Variants in TRIM49 observed in about 807,000 individuals in gnomAD.
The protein encoded by TRIM49 is tripartite motif containing 49.
Under a neutral mutation model 27.4 loss-of-function variants are expected in TRIM49, and 5 were observed. The ratio of observed to expected loss-of-function variants is 0.18; its 90% CI spans 0.10 to 0.38. The LOEUF (loss-of-function observed/expected upper bound fraction) is 0.38, where lower values mean the gene tolerates loss of function less well. TRIM49 is among the 10% of genes least tolerant of loss of function. The pLI, the probability that TRIM49 is intolerant of heterozygous loss-of-function variation, is 1.00. For synonymous variants in TRIM49, 69 were observed against 166.0 expected (o/e 0.42, Z 4.49); for missense variants, 188 against 487.5 (o/e 0.39, Z 5.79).
downstream of TRIM49, among the ~76,000 whole-genome samples, chr11:89,797,156 T>C (rs2134630829): frequency 6.6e-6 from 1 of 151,516 alleles, no homozygotes; most frequent in East Asian, 1.9e-4. Flanking sequence ...TATATTTGGC[T>C]AGTTATTTAT....
chr11:89,800,636 G>A (rs1319967760), intron 6 of TRIM49, among the ~76,000 whole-genome samples: 7 of 149,946 alleles, frequency 4.7e-5, no homozygotes, highest in African/African-American at 1.2e-4. Context: ...CCGGGTACTC[G>A]GGAGGCTGAG....
chr11:89,804,821 A>C (rs1348925353), intron 2 of TRIM49, among the ~76,000 whole-genome samples: 6 of 151,434 alleles, frequency 4.0e-5, no homozygotes, highest in African/African-American at 1.5e-4. Flanking sequence ...TTCTTTCAAT[A>C]ACTGATGAAT....
At chr11:89,792,768 A>G (rs1317678247), downstream of TRIM49, among the ~76,000 whole-genome samples, 1 of 152,132 alleles carries the variant, frequency 6.6e-6, no homozygotes, top group African/African-American at 2.4e-5. Flanking sequence ...AATTTATAGC[A>G]CTAAATGCCC....
chr11:89,807,837 A>G (rs1229430908), intron 1 of TRIM49, among the ~76,000 whole-genome samples: 1 of 148,814 alleles, frequency 6.7e-6, no homozygotes, highest in East Asian at 2.0e-4. Flanking sequence ...CATCCAGCTT[A>G]AATGCTGCTT....
chr11:89,796,940 G>C (rs1238178327), downstream of TRIM49, among the ~76,000 whole-genome samples: 41 of 150,170 alleles, frequency 2.7e-4, no homozygotes, highest in African/African-American at 1.0e-3. Flanking sequence ...AGAATATCTA[G>C]CCCATAAGAA....
the TRIM49 span, among the ~76,000 whole-genome samples, chr11:89,767,924 C>G: frequency 7.3e-6 from 1 of 137,216 alleles, no homozygotes; most frequent in East Asian, 2.1e-4. Flanking sequence ...GAAATTGTAT[C>G]ACGATTGAAC....
the TRIM49 span, chr11:89,768,300 G>A: frequency 6.8e-7 from 1 of 1,474,378 alleles, no homozygotes; most frequent in Admixed American, 1.7e-5. Context: ...CAAGGAAGTA[G>A]GTTGAGTTGG....
chr11:89,806,466 T>C (rs1949790143), intron 2 of TRIM49, among the ~76,000 whole-genome samples: 1 of 148,660 alleles, frequency 6.7e-6, no homozygotes, highest in Non-Finnish European at 1.5e-5. Flanking sequence ...CAGTGAAAAA[T>C]CTTAGAATTG....
Position 89,798,431 on chromosome 11 carries a change from C to T in TRIM49, c.1058G>A (p.Trp353Ter). ...WEVHVGDSWNWAFGVCNMYRK... is the reference protein window; with the variant it reads ...WEVHVGDSWN ...ATACATATTACAGACACCAAAAGCC[C>T]AATTCCAGGAGTCCCCTACATGGAC... The change falls in exon 8 of 8, where the codon TGG (tryptophan) becomes TAG (stop). Residue 353 changes from tryptophan (W) to a stop codon, truncating the protein, a stop_gained. Coordinates refer to ENST00000329758, the MANE Select transcript of TRIM49 (RefSeq NM_020358.2). LOFTEE classifies it low-confidence loss of function (END_TRUNC). The T allele has an allele frequency of 1.2e-6, 2 of 1,602,460 alleles. No individual in the cohort carries two copies. Among genetic ancestry groups the T allele is most frequent in the Non-Finnish European group, 1.7e-6 (2 of 1,177,804 alleles).
the TRIM49 span, among the ~76,000 whole-genome samples, chr11:89,771,463 A>G: frequency 1.1e-4 from 12 of 111,108 alleles, no homozygotes; most frequent in Admixed American, 4.0e-4. Context: ...TATCACCTTT[A>G]AAGAATCAAA....
the TRIM49 span, among the ~76,000 whole-genome samples, chr11:89,791,607 G>T: frequency 2.7e-5 from 4 of 150,908 alleles, no homozygotes; most frequent in East Asian, 2.0e-4. Flanking sequence ...TTACAGAGAA[G>T]AATTTTCAAC....
intron 1 of TRIM49, among the ~76,000 whole-genome samples, chr11:89,807,738 G>A (rs1423097501): frequency 6.6e-6 from 1 of 150,808 alleles, no homozygotes; most frequent in East Asian, 1.9e-4. Context: ...GTATGACTCT[G>A]TAGCCCATGC....
chr11:89,787,734 A>AT, the TRIM49 span: 1 of 1,006,470 alleles, frequency 9.9e-7, no homozygotes, highest in Non-Finnish European at 1.5e-6. Context: ...CCCAAGTGGC[A>AT]TAACAAGGTG....
At chr11:89,789,921 G>T in the TRIM49 span, among the ~76,000 whole-genome samples, 714 of 150,926 alleles carry the variant, frequency 4.7e-3, 1 homozygote, top group African/African-American at 0.017. Flanking sequence ...AGGACAGTGG[G>T]TGCAGCCCAC....
chr11:89,797,545 G>A (rs1424257275), downstream of TRIM49: 1 of 151,736 alleles, frequency 6.6e-6, no homozygotes, highest in African/African-American at 2.5e-5. Context: ...ATCCAGCATT[G>A]GTCTGATCAC....
intron 4 of TRIM49, among the ~76,000 whole-genome samples, chr11:89,802,507 T>C (rs1190246835): frequency 1.3e-5 from 2 of 151,024 alleles, no homozygotes; most frequent in African/African-American, 2.5e-5. Flanking sequence ...CCTCCAAATA[T>C]ACACAAACTC....
intron 3 of TRIM49, 55 bp from the exon 4 acceptor site, chr11:89,803,848 GC>G (rs1949760615): frequency 1.1e-6 from 1 of 873,696 alleles, no homozygotes. Context: ...TAGGGAGGGG[GC>G]CCAGAATGAG....
chr11:89,787,611 G>A, the TRIM49 span: 83 of 805,964 alleles, frequency 1.0e-4, 1 homozygote, highest in South Asian at 1.5e-3. Flanking sequence ...AGCAGCTTGT[G>A]GCCAGGCATG....
chr11:89,793,582 C>T (rs61266150), downstream of TRIM49, among the ~76,000 whole-genome samples: 3,362 of 145,224 alleles, frequency 0.023, 15 homozygotes, highest in East Asian at 0.034. Context: ...GTTCAACATA[C>T]GCAAATCAAT....
Sources: allele counts gnomAD v4.1 joint callset (sites outside exome capture counted in the v4.1 genomes callset), GRCh38; gene constraint gnomAD v4.1.1; transcripts MANE v1.5; gene names NCBI Gene and HGNC (gene_info 2026-07-23, HGNC 2026-07-21).